The following ADAMTSL1 variants were observed in gnomAD, a reference collection of about 807,000 sequenced individuals.
The protein encoded by ADAMTSL1 is ADAMTS-like protein 1.
In ADAMTSL1, 126 loss-of-function variants were observed where a neutral mutation model predicts 201.8. The ratio of observed to expected loss-of-function variants is 0.62; its 90% CI spans 0.54 to 0.72. The LOEUF (loss-of-function observed/expected upper bound fraction) is 0.72. Among genes scored for constraint, ADAMTSL1 ranks in the 30% least tolerant of loss-of-function variants. The pLI, the probability that ADAMTSL1 is intolerant of heterozygous loss-of-function variation, is 0.00. For missense variants in ADAMTSL1, 2,679 were observed against 2,277.8 expected, an observed-to-expected ratio of 1.18 and a Z score of -3.59; for synonymous variants, 1,121 against 903.4, an observed-to-expected ratio of 1.24 and a Z score of -4.32.
At chr9:18,219,440 C>T (rs1234994188) in intron 2 of ADAMTSL1, among the ~76,000 whole-genome samples, 1 of 151,928 alleles carries the variant, frequency 6.6e-6, no homozygotes, top group Non-Finnish European at 1.5e-5. Context: ...ACAACCTCGG[C>T]TCACTGCAAT....
At chr9:18,548,927 T>G (rs186188286) in intron 3 of ADAMTSL1, among the ~76,000 whole-genome samples, 84 of 151,858 alleles carry the variant, frequency 5.5e-4, no homozygotes, top group Middle Eastern at 3.4e-3. Context: ...AATTTGAAGA[T>G]AGAAGTTAGA....
At chr9:18,727,234 C>G (rs1200405655) in intron 15 of ADAMTSL1, among the ~76,000 whole-genome samples, 1 of 152,210 alleles carries the variant, frequency 6.6e-6, no homozygotes, top group East Asian at 1.9e-4. Context: ...TCTCTGACAA[C>G]TTGTTTTAAA....
chr9:18,481,652 C>G (rs1563986602), intron 1 of ADAMTSL1, among the ~76,000 whole-genome samples: 2 of 152,008 alleles, frequency 1.3e-5, no homozygotes, highest in Admixed American at 6.6e-5. Flanking sequence ...ATCCTTTTAT[C>G]CCTGTGTAAA....
intron 2 of ADAMTSL1, among the ~76,000 whole-genome samples, chr9:18,224,370 C>G (rs1267715050): frequency 6.6e-6 from 1 of 152,054 alleles, no homozygotes. Context: ...AAAATGGGGA[C>G]AAAAACTCCC....
At chr9:18,853,615 GTTTA>G (rs1438978643) in intron 23 of ADAMTSL1, among the ~76,000 whole-genome samples, 1 of 152,190 alleles carries the variant, frequency 6.6e-6, no homozygotes, top group Non-Finnish European at 1.5e-5. Context: ...TGCAAAGGCA[GTTTA>G]GATTCAGGAA....
At chr9:18,330,201 G>A (rs1166130441) in intron 2 of ADAMTSL1, among the ~76,000 whole-genome samples, 2 of 152,172 alleles carry the variant, frequency 1.3e-5, no homozygotes, top group Non-Finnish European at 2.9e-5. Context: ...GGACAAGAGA[G>A]AGTTTGTGAA....
intron 2 of ADAMTSL1, among the ~76,000 whole-genome samples, chr9:18,228,063 C>A (rs559573504): frequency 6.6e-6 from 1 of 152,296 alleles, no homozygotes; most frequent in African/African-American, 2.4e-5. Flanking sequence ...GAAATATAAG[C>A]CCAATAGCCA....
intron 2 of ADAMTSL1, among the ~76,000 whole-genome samples, chr9:18,239,740 T>C: frequency 6.6e-6 from 1 of 151,120 alleles, no homozygotes; most frequent in Middle Eastern, 3.2e-3. Flanking sequence ...AGAGTAAGAC[T>C]CTGTCTCAAA....
chr9:18,154,964 C>T (rs538360599), intron 1 of ADAMTSL1, among the ~76,000 whole-genome samples: 2 of 152,006 alleles, frequency 1.3e-5, no homozygotes, highest in South Asian at 2.1e-4. Context: ...AGAGACAAGG[C>T]CATGGAGTGT....
chr9:18,034,915 G>A (rs1487383592), intron 1 of ADAMTSL1, among the ~76,000 whole-genome samples: 2 of 151,852 alleles, frequency 1.3e-5, no homozygotes, highest in Admixed American at 1.3e-4. Context: ...TAAACTCCTC[G>A]GTATGGTAAT....
At position 18,261,848 on chromosome 9, in the gene ADAMTSL1, A is replaced by G. The variant is rs1021257561; in HGVS notation, c.207+97867A>G. On this transcript the variant is annotated intron_variant, in intron 2 of 29. Coordinates refer to the ADAMTSL1 transcript ENST00000680146. ...TAAAATCAAAAACGGAATTCACAGTATGGAAAAATATTCTTTGTGGGGTGA... is the reference window on the plus strand; with the variant it reads ...TAAAATCAAAAACGGAATTCACAGTGTGGAAAAATATTCTTTGTGGGGTGA... Among the ~76,000 whole-genome samples the G allele has an allele frequency of 1.6e-4, 25 of 152,202 alleles. 1 individual carries two copies. Among genetic ancestry groups the G allele is most frequent in the Admixed American group, 7.2e-4 (11 of 15,284 alleles).
Position 18,129,561 on chromosome 9 carries a change from A to T in ADAMTSL1, c.88-34301A>T, listed in dbSNP as rs117773301. Among the ~76,000 whole-genome samples, 4 of 152,280 alleles carry T rather than the reference A, an allele frequency of 2.6e-5. No individual in the cohort carries two copies. The East Asian group carries it at 7.7e-4, about 29-fold the overall frequency. On this transcript the variant is annotated intron_variant, in intron 1 of 29. Transcript: ENST00000680146. ...TTTTATCTGTTAATTCTGTCAATTC[A>T]CAGATGCAATGTGGGCCCATAAGCA... is the stretch of plus-strand genomic sequence containing the variant.
At chr9:18,141,865 C>T (rs1163135907) in intron 1 of ADAMTSL1, among the ~76,000 whole-genome samples, 1 of 152,180 alleles carries the variant, frequency 6.6e-6, no homozygotes, top group Non-Finnish European at 1.5e-5. Context: ...ATTCTACCTC[C>T]TCACAAACCA....
chr9:18,487,026 C>T (rs1013207764), intron 1 of ADAMTSL1, among the ~76,000 whole-genome samples: 4 of 152,064 alleles, frequency 2.6e-5, no homozygotes, highest in African/African-American at 9.7e-5. Context: ...CTAAAAATGC[C>T]GGTAAAAGAT....
At chr9:18,110,800 A>G (rs1237996058) in intron 1 of ADAMTSL1, among the ~76,000 whole-genome samples, 1 of 152,170 alleles carries the variant, frequency 6.6e-6, no homozygotes, top group African/African-American at 2.4e-5. Context: ...TGCTATGCCT[A>G]CTTATAAGTA....
At chr9:18,430,187 C>T (rs1467642278) in intron 2 of ADAMTSL1, among the ~76,000 whole-genome samples, 1 of 152,128 alleles carries the variant, frequency 6.6e-6, no homozygotes, top group East Asian at 1.9e-4. Flanking sequence ...TCAGAAGGTC[C>T]AGAGTTGGGC....
At chr9:18,312,029 C>T (rs1379018894) in intron 2 of ADAMTSL1, among the ~76,000 whole-genome samples, 4 of 152,184 alleles carry the variant, frequency 2.6e-5, no homozygotes, top group Non-Finnish European at 5.9e-5. Context: ...AGTTCCAGTT[C>T]CCACAGAGCT....
chr9:18,643,079 C>A (rs779551698), intron 7 of ADAMTSL1, among the ~76,000 whole-genome samples: 1 of 152,040 alleles, frequency 6.6e-6, no homozygotes, highest in African/African-American at 2.4e-5. Flanking sequence ...TTCTCTACAT[C>A]CGTGCCAATA....
At chr9:18,505,212 G>T (rs1823060694) in intron 2 of ADAMTSL1, among the ~76,000 whole-genome samples, 1 of 152,180 alleles carries the variant, frequency 6.6e-6, no homozygotes, top group South Asian at 2.1e-4. Context: ...TCTTTACCAA[G>T]CAAATGTTAT....
Sources: allele counts gnomAD v4.1 joint callset (sites outside exome capture counted in the v4.1 genomes callset), GRCh38; gene constraint gnomAD v4.1.1; transcripts MANE v1.5; gene names NCBI Gene and HGNC (gene_info 2026-07-23, HGNC 2026-07-21).